Variants in UTS2B observed in about 807,000 individuals in gnomAD.
UTS2B encodes the protein urotensin 2B.
UTS2B carries 21 observed loss-of-function variants against 19.2 expected under a neutral mutation model. The observed-to-expected ratio is 1.09, with a 90% CI of 0.78 to 1.58. UTS2B has a LOEUF of 1.58. UTS2B is among the 40% of genes most tolerant of loss of function. The pLI, the probability that UTS2B is intolerant of heterozygous loss-of-function variation, is 0.00. For missense variants in UTS2B, 138 were observed against 130.3 expected (o/e 1.06, Z -0.29); for synonymous variants, 57 against 50.2 (o/e 1.14, Z -0.58).
At chr3:191,307,016 C>A (rs574655794) in intron 3 of UTS2B, among the ~76,000 whole-genome samples, 1 of 152,052 alleles carries the variant, frequency 6.6e-6, no homozygotes. Context: ...CCTCTGGCAG[C>A]GCATGAAAGG....
chr3:191,296,366 A>G (rs6794234), intron 4 of UTS2B, among the ~76,000 whole-genome samples: 99,811 of 151,980 alleles, frequency 0.66, 32,764 homozygotes, highest in African/African-American at 0.67. Flanking sequence ...CAGATTAAGC[A>G]GGTCATCCTG....
At chr3:191,298,087 TG>T (rs1359816500) in intron 4 of UTS2B, among the ~76,000 whole-genome samples, 1 of 152,218 alleles carries the variant, frequency 6.6e-6, no homozygotes, top group Non-Finnish European at 1.5e-5. Flanking sequence ...CATCAACTGT[TG>T]CCTAGTTGTA....
At chr3:191,304,678 T>C (rs1717090101) in intron 3 of UTS2B, 130 bp from the exon 4 acceptor site, 1 of 152,230 alleles carries the variant, frequency 6.6e-6, no homozygotes, top group Non-Finnish European at 1.5e-5. Context: ...CTTTTTAAAC[T>C]TTTAAGTTCA....
At chr3:191,273,271 G>A (rs1716140155) in intron 8 of UTS2B, 2 of 333,114 alleles carry the variant, frequency 6.0e-6, no homozygotes, top group South Asian at 4.9e-5. Flanking sequence ...ATTTGGGGTT[G>A]TCTCTAATGA....
rs537055592 is a variant in UTS2B at position 191,318,755 on chromosome 3, G to A, written c.-585-2316C>T. Among the ~76,000 whole-genome samples the A allele has an allele frequency of 5.3e-5, 8 of 152,362 alleles. No individual in the cohort carries two copies. In the South Asian group the frequency reaches 1.7e-3, roughly 32 times the overall value. ...CAAAGTGTTGGGATGACAGGTGTGAGCTGCTGTGCCTGGCTGAAGATCTTT... is the reference window on the plus strand; with the variant it reads ...CAAAGTGTTGGGATGACAGGTGTGAACTGCTGTGCCTGGCTGAAGATCTTT... On this transcript the variant is annotated intron_variant, in intron 2 of 8. Coordinates refer to ENST00000340524, the MANE Select transcript of UTS2B (RefSeq NM_198152.5).
At chr3:191,329,793 G>A in intron 1 of UTS2B, 1 of 1,532,382 alleles carries the variant, frequency 6.5e-7, no homozygotes, top group Non-Finnish European at 8.9e-7. Context: ...CAGGTCAGGG[G>A]CGTTGCCATT....
intron 3 of UTS2B, among the ~76,000 whole-genome samples, chr3:191,305,362 G>C (rs1350664648): frequency 6.6e-6 from 1 of 152,114 alleles, no homozygotes; most frequent in Non-Finnish European, 1.5e-5. Context: ...TAGCCATTCT[G>C]ACTGGCATGA....
chr3:191,313,725 C>CT (rs57398216), intron 3 of UTS2B, among the ~76,000 whole-genome samples: 3,955 of 109,054 alleles, frequency 0.036, 111 homozygotes, highest in East Asian at 0.1. Context: ...CTCCACTTTC[C>CT]TTTTTTTTTT....
intron 2 of UTS2B, among the ~76,000 whole-genome samples, chr3:191,325,215 A>T (rs1350864446): frequency 6.6e-6 from 1 of 152,214 alleles, no homozygotes; most frequent in Non-Finnish European, 1.5e-5. Context: ...GTTACCCAGA[A>T]GTGTACAGAT....
intron 4 of UTS2B, among the ~76,000 whole-genome samples, chr3:191,284,307 C>T (rs1340259654): frequency 2.0e-5 from 3 of 151,784 alleles, no homozygotes; most frequent in Non-Finnish European, 4.4e-5. Flanking sequence ...AGGTTGAATA[C>T]TGATTATTCT....
intron 4 of UTS2B, among the ~76,000 whole-genome samples, chr3:191,285,129 T>C (rs1716499400): frequency 6.6e-6 from 1 of 152,212 alleles, no homozygotes; most frequent in Non-Finnish European, 1.5e-5. Flanking sequence ...GTGCTTTAGA[T>C]TTATAAGCTA....
intron 4 of UTS2B, among the ~76,000 whole-genome samples, chr3:191,290,338 A>G (rs887712981): frequency 2.0e-5 from 3 of 152,222 alleles, no homozygotes; most frequent in African/African-American, 7.2e-5. Flanking sequence ...CATTTATAGT[A>G]TATAGCAATA....
At chr3:191,341,376 AG>A in the UTS2B span, among the ~76,000 whole-genome samples, 3 of 152,204 alleles carry the variant, frequency 2.0e-5, no homozygotes, top group Admixed American at 6.5e-5. Context: ...TTTACAGATG[AG>A]GAACCTGAGG....
At chr3:191,272,693 C>G (rs1238904234) in intron 8 of UTS2B, among the ~76,000 whole-genome samples, 2 of 151,464 alleles carry the variant, frequency 1.3e-5, no homozygotes, top group Non-Finnish European at 2.9e-5. Context: ...AAACCTGTCT[C>G]TACTGAAAAT....
At chr3:191,316,584 G>A (rs1717459247) in intron 2 of UTS2B, 145 bp from the exon 3 acceptor site, 1 of 152,212 alleles carries the variant, frequency 6.6e-6, no homozygotes, top group African/African-American at 2.4e-5. Flanking sequence ...GAGCTGATTG[G>A]TCCGTTTTAC....
At chr3:191,302,651 A>G (rs1380868233) in intron 4 of UTS2B, among the ~76,000 whole-genome samples, 1 of 152,200 alleles carries the variant, frequency 6.6e-6, no homozygotes, top group Non-Finnish European at 1.5e-5. Context: ...TAACTACTAT[A>G]ACAACATAAA....
chr3:191,334,679 C>A (rs942845761), upstream of UTS2B, among the ~76,000 whole-genome samples: 1 of 152,196 alleles, frequency 6.6e-6, no homozygotes, highest in African/African-American at 2.4e-5. Context: ...TTTTACCTAC[C>A]TTCTCTTTTC....
At chr3:191,269,958 T>C (rs116828302) in intron 8 of UTS2B, among the ~76,000 whole-genome samples, 632 of 152,364 alleles carry the variant, frequency 4.1e-3, no homozygotes, top group Non-Finnish European at 6.9e-3. Flanking sequence ...ACCAGCTTTC[T>C]GGTGTCACTT....
chr3:191,343,436 G>C, the UTS2B span, among the ~76,000 whole-genome samples: 1 of 152,184 alleles, frequency 6.6e-6, no homozygotes, highest in Admixed American at 6.5e-5. Context: ...TACTGTGTAA[G>C]AGTTTAATCT....
Sources: gnomAD v4.1 joint callset for allele counts (sites outside exome capture counted in the v4.1 genomes callset) on GRCh38, gnomAD v4.1.1 for gene constraint, MANE v1.5 for transcripts, NCBI Gene and HGNC (gene_info 2026-07-23, HGNC 2026-07-21) for gene names.